The following LIN7A variants were observed in gnomAD, a reference collection of about 807,000 sequenced individuals.
LIN7A encodes lin-7 cell polarity scaffold A, also known as protein lin-7 homolog A.
Under a neutral mutation model 29.8 loss-of-function variants are expected in LIN7A, and 25 were observed. That is an observed-to-expected ratio of 0.84 (90% CI 0.61 to 1.17). LIN7A has a LOEUF of 1.17. Among genes scored for constraint, LIN7A ranks in the 50% most tolerant of loss-of-function variants. LIN7A has a pLI of 0.00. For synonymous variants in LIN7A, 118 were observed against 107.5 expected, an observed-to-expected ratio of 1.10 and a Z score of -0.60; for missense variants, 239 against 287.0, an observed-to-expected ratio of 0.83 and a Z score of 1.21.
At chr12:80,913,745 T>C (rs866400679) in intron 1 of LIN7A, among the ~76,000 whole-genome samples, 2 of 152,220 alleles carry the variant, frequency 1.3e-5, no homozygotes, top group Non-Finnish European at 2.9e-5. Flanking sequence ...GAATAAAACA[T>C]ACTTACTTTC....
At chr12:80,807,758 G>T (rs779883377) in intron 5 of LIN7A, among the ~76,000 whole-genome samples, 2 of 152,128 alleles carry the variant, frequency 1.3e-5, no homozygotes, top group Non-Finnish European at 2.9e-5. Context: ...TAACAGAGAA[G>T]AAGGATGTGG....
chr12:80,807,668 A>G (rs920068915), intron 5 of LIN7A, among the ~76,000 whole-genome samples: 5 of 152,200 alleles, frequency 3.3e-5, no homozygotes, highest in African/African-American at 9.7e-5. Flanking sequence ...ACTAAGGAAT[A>G]ATGCGTTGTC....
intron 4 of LIN7A, among the ~76,000 whole-genome samples, chr12:80,829,501 T>C (rs1361099669): frequency 6.6e-6 from 1 of 152,198 alleles, no homozygotes; most frequent in Non-Finnish European, 1.5e-5. Flanking sequence ...TATAAATCCA[T>C]GTTTTCAAGG....
At chr12:80,821,420 TA>T in intron 4 of LIN7A, among the ~76,000 whole-genome samples, 1 of 152,186 alleles carries the variant, frequency 6.6e-6, no homozygotes, top group South Asian at 2.1e-4. Context: ...AAAAATACTT[TA>T]TTGTTAACAA....
chr12:80,817,494 C>T (rs556066676), intron 4 of LIN7A, among the ~76,000 whole-genome samples: 1 of 152,254 alleles, frequency 6.6e-6, no homozygotes, highest in South Asian at 2.1e-4. Context: ...CAAGAGTTGG[C>T]TAGACCTTGT....
intron 2 of LIN7A, among the ~76,000 whole-genome samples, chr12:80,863,476 C>T (rs1174579989): frequency 6.6e-6 from 1 of 152,196 alleles, no homozygotes; most frequent in Admixed American, 6.5e-5. Context: ...CTTAGCCAAG[C>T]CGCAATTAAC....
At chr12:80,842,035 A>G (rs1053057536) in intron 4 of LIN7A, 6 of 1,283,036 alleles carry the variant, frequency 4.7e-6, no homozygotes, top group Non-Finnish European at 5.1e-6. Context: ...TTCCCATGGG[A>G]AATTTCTCTT....
intron 4 of LIN7A, among the ~76,000 whole-genome samples, chr12:80,818,387 G>A (rs1017877200): frequency 2.0e-5 from 3 of 152,104 alleles, no homozygotes; most frequent in Admixed American, 1.3e-4. Context: ...TGTTTTCTGT[G>A]CATTTTATCT....
chr12:80,869,103 T>C (rs1041082323), intron 2 of LIN7A, among the ~76,000 whole-genome samples: 1 of 151,404 alleles, frequency 6.6e-6, no homozygotes, highest in Admixed American at 6.6e-5. Context: ...GAAAGGGCAT[T>C]GGCATGTAGC....
intron 2 of LIN7A, among the ~76,000 whole-genome samples, chr12:80,864,121 C>A (rs1183288757): frequency 6.6e-6 from 1 of 151,958 alleles, no homozygotes; most frequent in Non-Finnish European, 1.5e-5. Flanking sequence ...GACAAAGTTA[C>A]ACTCATAAGT....
chr12:80,899,092 T>C (rs936085939), intron 1 of LIN7A, among the ~76,000 whole-genome samples: 5 of 152,308 alleles, frequency 3.3e-5, no homozygotes, highest in African/African-American at 1.2e-4. Flanking sequence ...CTTTTTCCCA[T>C]TTAGTATGAT....
chr12:80,860,568 G>A (rs1332821381), intron 2 of LIN7A, among the ~76,000 whole-genome samples: 3 of 152,192 alleles, frequency 2.0e-5, no homozygotes, highest in Non-Finnish European at 4.4e-5. Context: ...GCCCTCAAGA[G>A]TTAATTCAGG....
chr12:80,901,078 CT>C (rs1486057347), intron 1 of LIN7A, among the ~76,000 whole-genome samples: 2 of 152,046 alleles, frequency 1.3e-5, no homozygotes, highest in African/African-American at 2.4e-5. Flanking sequence ...TGCAGACAAA[CT>C]TTTTTAGAAA....
In LIN7A at chr12:80,795,661, C is replaced by T. The variant is rs753453538; in HGVS notation, c.*2066G>A. The T allele has an allele frequency of 1.3e-5, 2 of 152,086 alleles. No homozygotes were observed. Among genetic ancestry groups the T allele is most frequent in the Non-Finnish European group, 2.9e-5 (2 of 67,982 alleles). 9.4% of individuals were successfully genotyped at this position (152,086 alleles called of 1,614,324 possible). A position where few individuals can be genotyped will look rare whatever the true frequency, so the allele number is the denominator to read the frequency against. On this transcript the variant is annotated 3_prime_UTR_variant, in exon 6 of 6. Coordinates refer to ENST00000552864, the MANE Select transcript of LIN7A (RefSeq NM_004664.4). ...AAATGTGTTGAAATGACCATTTTCT[C>T]ATGACAAGGGTTCAGTGATTTCCCT...
chr12:80,840,671 A>G (rs1872767348), intron 4 of LIN7A, among the ~76,000 whole-genome samples: 1 of 152,218 alleles, frequency 6.6e-6, no homozygotes, highest in Non-Finnish European at 1.5e-5. Flanking sequence ...AATAGGGTAC[A>G]CAGAGCATAG....
At chr12:80,869,928 A>G (rs1347099993) in intron 2 of LIN7A, among the ~76,000 whole-genome samples, 1 of 152,214 alleles carries the variant, frequency 6.6e-6, no homozygotes, top group East Asian at 1.9e-4. Context: ...TCCAAGAAGA[A>G]TTTCTCATGA....
chr12:80,808,674 T>G (rs1326721727), intron 5 of LIN7A, among the ~76,000 whole-genome samples: 1 of 151,008 alleles, frequency 6.6e-6, no homozygotes, highest in Non-Finnish European at 1.5e-5. Context: ...CCCGGCTAAT[T>G]TTTTGTATTT....
Position 80,880,443 on chromosome 12 carries a change from T to C in LIN7A, c.201+8808A>G, listed in dbSNP as rs1029271148. ...GCCAAAAAACTTCTGATAGTAAAAATAATACATTTTGCTTCATTCCCAAAT... is the reference window on the plus strand; with the variant it reads ...GCCAAAAAACTTCTGATAGTAAAAACAATACATTTTGCTTCATTCCCAAAT... On this transcript the variant is annotated intron_variant, in intron 2 of 5. Coordinates refer to ENST00000552864, the MANE Select transcript of LIN7A (RefSeq NM_004664.4). Among the ~76,000 whole-genome samples the C allele has an allele frequency of 2.0e-5, 3 of 152,314 alleles. No homozygotes were observed. In the East Asian group the frequency reaches 5.8e-4, roughly 29 times the overall value.
At chr12:80,882,687 T>C (rs10862207) in intron 2 of LIN7A, among the ~76,000 whole-genome samples, 69,745 of 151,964 alleles carry the variant, frequency 0.46, 17,532 homozygotes, top group East Asian at 0.58. Flanking sequence ...GATTCTTAAC[T>C]ATTATTTCTA....
Sources: allele counts gnomAD v4.1 joint callset (sites outside exome capture counted in the v4.1 genomes callset), GRCh38; gene constraint gnomAD v4.1.1; transcripts MANE v1.5; gene names NCBI Gene and HGNC (gene_info 2026-07-23, HGNC 2026-07-21).